FAM53B: variants seen among roughly 807,000 people sequenced by gnomAD.
FAM53B encodes the protein protein FAM53B.
In FAM53B, 12 loss-of-function variants were observed where a neutral mutation model predicts 32.7. The observed-to-expected ratio is 0.37, with a 90% CI of 0.24 to 0.59. The LOEUF (loss-of-function observed/expected upper bound fraction) is 0.59, where lower values mean the gene tolerates loss of function less well. Among genes scored for constraint, FAM53B ranks in the 20% least tolerant of loss-of-function variants. FAM53B has a pLI of 0.72. For synonymous variants in FAM53B, 234 were observed against 228.7 expected, an observed-to-expected ratio of 1.02 and a Z score of -0.21; for missense variants, 477 against 577.7, an observed-to-expected ratio of 0.83 and a Z score of 1.79.
chr10:124,680,287 G>A (rs1949761311), intron 4 of FAM53B, among the ~76,000 whole-genome samples: 1 of 152,190 alleles, frequency 6.6e-6, no homozygotes, highest in African/African-American at 2.4e-5. Flanking sequence ...ACACAGGGGA[G>A]GCACAAGCAT....
chr10:124,669,443 A>G (rs1949693478), intron 4 of FAM53B, among the ~76,000 whole-genome samples: 1 of 152,086 alleles, frequency 6.6e-6, no homozygotes, highest in South Asian at 2.1e-4. Context: ...CAAGAAATGC[A>G]GAGTCTGCTC....
intron 2 of FAM53B, among the ~76,000 whole-genome samples, chr10:124,705,413 C>G (rs957827742): frequency 6.6e-6 from 1 of 152,268 alleles, no homozygotes; most frequent in Non-Finnish European, 1.5e-5. Context: ...GCCACTTCTT[C>G]TCACCCTTCA....
intron 2 of FAM53B, among the ~76,000 whole-genome samples, chr10:124,700,536 C>T (rs1949908324): frequency 6.6e-6 from 1 of 152,152 alleles, no homozygotes; most frequent in Non-Finnish European, 1.5e-5. Flanking sequence ...GAGCCCACGC[C>T]GGGGCAGGGC....
chr10:124,706,537 G>C, intron 2 of FAM53B, 99 bp downstream of exon 2: 1 of 1,484,874 alleles, frequency 6.7e-7, no homozygotes, highest in Non-Finnish European at 9.4e-7. Context: ...GGGGACTCTG[G>C]ACTCGATTTG....
At position 124,628,045 on chromosome 10, in the gene FAM53B, C is replaced by T. The variant is rs1288118801; in HGVS notation, c.907-4441G>A. On this transcript the variant is annotated intron_variant, in intron 4 of 4. Coordinates refer to ENST00000337318, the MANE Select transcript of FAM53B (RefSeq NM_014661.4). ...GACTGCTACTCACTCCGTCCAGCCT[C>T]AGCCCAACAAGCTCATTCCCTCTCC... Among the ~76,000 whole-genome samples the T allele has an allele frequency of 3.3e-5, 5 of 152,348 alleles. No individual in the cohort carries two copies. In the East Asian group the frequency reaches 5.8e-4, roughly 18 times the overall value.
intron 1 of FAM53B, among the ~76,000 whole-genome samples, chr10:124,723,288 G>A (rs1206325021): frequency 6.6e-6 from 1 of 152,230 alleles, no homozygotes; most frequent in African/African-American, 2.4e-5. Context: ...ACCACGTTAA[G>A]TCAAGTCTCA....
intron 4 of FAM53B, among the ~76,000 whole-genome samples, chr10:124,649,804 A>G (rs1949544587): frequency 6.6e-6 from 1 of 152,096 alleles, no homozygotes; most frequent in African/African-American, 2.4e-5. Flanking sequence ...AAATATACAT[A>G]AGTCCCCAAA....
chr10:124,657,158 G>A (rs11594246), intron 4 of FAM53B, among the ~76,000 whole-genome samples: 113 of 106,920 alleles, frequency 1.1e-3, no homozygotes, highest in Non-Finnish European at 1.7e-3. Flanking sequence ...GTGTATATAT[G>A]TGTGTATATA....
At chr10:124,731,512 T>G (rs1950142434) in intron 1 of FAM53B, among the ~76,000 whole-genome samples, 1 of 152,190 alleles carries the variant, frequency 6.6e-6, no homozygotes, top group Admixed American at 6.5e-5. Flanking sequence ...TGGGCTCATC[T>G]GTACTGCCTT....
Position 124,621,583 on chromosome 10 carries a change from C to G in FAM53B, c.*1659G>C, listed in dbSNP as rs982227698. On this transcript the variant is annotated 3_prime_UTR_variant, in exon 5 of 5. Coordinates refer to ENST00000337318, the MANE Select transcript of FAM53B (RefSeq NM_014661.4). Reference sequence around the variant, plus strand: ...GGGGCTTTCTGCCAGCTCCTTAAAGCTGATTTTTAAGAAGTGCCACCCACA... The same window carrying G: ...GGGGCTTTCTGCCAGCTCCTTAAAGGTGATTTTTAAGAAGTGCCACCCACA... The G allele has an allele frequency of 3.3e-5, 5 of 152,246 alleles. No homozygotes were observed. The highest frequency in any genetic ancestry group is 1.2e-4 in the African/African-American group (5 of 41,460). 9.4% of individuals were successfully genotyped at this position (152,246 alleles called of 1,614,324 possible).
chr10:124,702,242 C>A (rs1158333107), intron 2 of FAM53B, among the ~76,000 whole-genome samples: 1 of 152,224 alleles, frequency 6.6e-6, no homozygotes, highest in Non-Finnish European at 1.5e-5. Flanking sequence ...CACTTGTTAT[C>A]TTCTTAGTCT....
chr10:124,626,153 G>T (rs1949348127), intron 4 of FAM53B, among the ~76,000 whole-genome samples: 6 of 152,266 alleles, frequency 3.9e-5, no homozygotes, highest in Admixed American at 2.6e-4. Context: ...GGGGCCTGGG[G>T]CGTGGCCTGC....
At chr10:124,719,519 T>TC (rs1215983275) in intron 1 of FAM53B, among the ~76,000 whole-genome samples, 2 of 152,172 alleles carry the variant, frequency 1.3e-5, no homozygotes, top group Non-Finnish European at 2.9e-5. Context: ...GTAATCATCT[T>TC]CCTCGTTAGA....
At chr10:124,636,210 A>G (rs757415480) in intron 4 of FAM53B, among the ~76,000 whole-genome samples, 10 of 152,154 alleles carry the variant, frequency 6.6e-5, no homozygotes, top group Non-Finnish European at 1.0e-4. Context: ...CCCCATCTCC[A>G]TATTAAAATC....
chr10:124,662,481 TCCA>T (rs1949639868), intron 4 of FAM53B, among the ~76,000 whole-genome samples: 1 of 36,024 alleles, frequency 2.8e-5, no homozygotes, highest in Non-Finnish European at 5.2e-5. Context: ...CATCCATCCA[TCCA>T]TCCATCCATC....
intron 4 of FAM53B, among the ~76,000 whole-genome samples, chr10:124,650,648 C>T (rs1291531912): frequency 6.6e-6 from 1 of 152,170 alleles, no homozygotes; most frequent in Non-Finnish European, 1.5e-5. Flanking sequence ...TGAACCCTAA[C>T]CCCAGGACTC....
At chr10:124,683,693 G>C (rs1949786278) in intron 3 of FAM53B, among the ~76,000 whole-genome samples, 1 of 152,032 alleles carries the variant, frequency 6.6e-6, no homozygotes, top group Non-Finnish European at 1.5e-5. Flanking sequence ...CAGAGCGCAG[G>C]CCCTTTTCAC....
In FAM53B at chr10:124,706,720, G is replaced by A. The variant is rs1949961740; in HGVS notation, c.-7C>T. Reference sequence around the variant, plus strand: ...CACTTAGGACCATCACCATGATAAGGGCCTCAGGCGCTGGGCTCCATCCCA... The same window carrying A: ...CACTTAGGACCATCACCATGATAAGAGCCTCAGGCGCTGGGCTCCATCCCA... On this transcript the variant is annotated 5_prime_UTR_variant, in exon 2 of 5. Coordinates refer to ENST00000337318, the MANE Select transcript of FAM53B (RefSeq NM_014661.4). 1.9e-6 allele frequency: 3 copies of A among 1,613,896 alleles called. No homozygotes were observed. The highest frequency in any genetic ancestry group is 1.6e-4 in the Middle Eastern group (1 of 6,084).
chr10:124,725,882 C>T (rs930962536), intron 1 of FAM53B, among the ~76,000 whole-genome samples: 1 of 152,262 alleles, frequency 6.6e-6, no homozygotes, highest in African/African-American at 2.4e-5. Context: ...AAAGGAAAGA[C>T]GAGCCTCATA....
Sources: allele counts gnomAD v4.1 joint callset (sites outside exome capture counted in the v4.1 genomes callset), GRCh38; gene constraint gnomAD v4.1.1; transcripts MANE v1.5; gene names NCBI Gene and HGNC (gene_info 2026-07-23, HGNC 2026-07-21).